The following CRYBB1 variants were observed in gnomAD, a reference collection of about 807,000 sequenced individuals.
CRYBB1 encodes the protein beta-crystallin B1.
Under a neutral mutation model 29.5 loss-of-function variants are expected in CRYBB1, and 16 were observed. The observed-to-expected ratio is 0.54, with a 90% CI of 0.37 to 0.82. The LOEUF (loss-of-function observed/expected upper bound fraction) is 0.82. Among genes scored for constraint, CRYBB1 ranks in the 40% least tolerant of loss-of-function variants. The probability of loss-of-function intolerance (pLI) is 0.00; values close to 1 mark genes in which losing one functional copy is unlikely to be tolerated. For synonymous variants in CRYBB1, 127 were observed against 136.7 expected (o/e 0.93, Z 0.49); for missense variants, 300 against 350.5 (o/e 0.86, Z 1.15).
chr22:26,605,735 G>C (rs1928957334), intron 4 of CRYBB1, among the ~76,000 whole-genome samples: 1 of 144,608 alleles, frequency 6.9e-6, no homozygotes, highest in African/African-American at 2.5e-5. Context: ...GGTTCAAGTA[G>C]AAGATGGTCA....
At chr22:26,603,626 C>T (rs865974966) in intron 4 of CRYBB1, among the ~76,000 whole-genome samples, 3 of 151,944 alleles carry the variant, frequency 2.0e-5, no homozygotes, top group Non-Finnish European at 2.9e-5. Flanking sequence ...CAGGCCTGGC[C>T]GGGCGCGGTG....
intron 2 of CRYBB1, among the ~76,000 whole-genome samples, chr22:26,613,774 A>T (rs1929253930): frequency 6.6e-6 from 1 of 152,242 alleles, no homozygotes; most frequent in South Asian, 2.1e-4. Flanking sequence ...TGTTCAGGGA[A>T]TAAGAGAGAT....
rs572494485 is a variant in CRYBB1 at position 26,599,621 on chromosome 22, G to T, written c.628C>A (p.Pro210Thr). 1.2e-6 allele frequency: 2 copies of T among 1,614,150 alleles called. No individual in the cohort carries two copies. The highest frequency in any genetic ancestry group is 1.3e-5 in the African/African-American group (1 of 75,062). ...TCATTCCAGTGCCGGAAGTCACCAG[G>T]CTCTAGGAGGTACTGGTACCCGCGG... The part of the protein sequence containing the change: ...GYRGYQYLLE[P>T]GDFRHWNEWG... The change falls in exon 6 of 6, where the codon CCT (proline) becomes ACT (threonine). Residue 210 changes from proline (P) to threonine (T), a missense_variant. Coordinates refer to ENST00000647684, the MANE Select transcript of CRYBB1 (RefSeq NM_001887.4).
At chr22:26,608,051 A>G (rs1372354466) in intron 3 of CRYBB1, 30 bp from the exon 4 acceptor site, 1 of 1,614,048 alleles carries the variant, frequency 6.2e-7, no homozygotes, top group Non-Finnish European at 8.5e-7. Context: ...TGAGGCAGAC[A>G]GGAGACATAT....
chr22:26,609,945 A>G (rs1422123450), intron 3 of CRYBB1, among the ~76,000 whole-genome samples: 1 of 152,214 alleles, frequency 6.6e-6, no homozygotes, highest in East Asian at 1.9e-4. Context: ...GAACAGATAC[A>G]GCACAGAGTA....
chr22:26,617,904 C>T, intron 1 of CRYBB1, 73 bp downstream of exon 1: 1 of 153,598 alleles, frequency 6.5e-6, no homozygotes, highest in Non-Finnish European at 1.5e-5. Flanking sequence ...GCTATCTCTG[C>T]CTCCCTCTCT....
intron 4 of CRYBB1, among the ~76,000 whole-genome samples, chr22:26,605,448 TAGATCACTTG>T (rs111921488): frequency 0.18 from 26,745 of 151,474 alleles, 3,085 homozygotes; most frequent in East Asian, 0.38. Context: ...CCCAGGCGGG[TAGATCACTTG>T]AGATCAGGAG....
intron 1 of CRYBB1, among the ~76,000 whole-genome samples, chr22:26,617,191 T>C (rs1929384767): frequency 6.6e-6 from 1 of 152,080 alleles, no homozygotes; most frequent in South Asian, 2.1e-4. Context: ...AGGCTTTGGG[T>C]GGAGAGGGCT....
At position 26,607,965 on chromosome 22, in the gene CRYBB1, C is replaced by T; in HGVS notation, c.356G>A (p.Gly119Asp). ...CCATGTGTTCCAGCGAGGGTACTCG[C>T]CCTTCTCCAGGATGAACATCTCCCC... ...FRGEMFILEK[G>D]EYPRWNTWSS... Residue 119 changes from glycine (G) to aspartate (D), a missense_variant, in exon 4 of 6, where the codon GGC (glycine) becomes GAC (aspartate). Coordinates refer to ENST00000647684, the MANE Select transcript of CRYBB1 (RefSeq NM_001887.4). 6.2e-7 allele frequency: 1 copy of T among 1,614,208 alleles called. No homozygotes were observed. Among genetic ancestry groups the T allele is most frequent in the Non-Finnish European group, 8.5e-7 (1 of 1,180,048 alleles).
intron 1 of CRYBB1, 51 bp from the exon 2 acceptor site, chr22:26,616,389 C>T (rs1929357114): frequency 8.4e-7 from 1 of 1,194,450 alleles, no homozygotes; most frequent in Non-Finnish European, 1.2e-6. Context: ...CTGCCTCCTG[C>T]CCTCATAGCC....
chr22:26,600,360 C>T (rs1928783638), intron 5 of CRYBB1, among the ~76,000 whole-genome samples: 1 of 151,914 alleles, frequency 6.6e-6, no homozygotes, highest in Admixed American at 6.6e-5. Context: ...TGAGATTGCA[C>T]CACTGTACTC....
Position 26,616,132 on chromosome 22 carries a change from G to T in CRYBB1, c.180+8C>A. 1 of 1,613,150 alleles carries T rather than the reference G, an allele frequency of 6.2e-7. No individual in the cohort carries two copies. The highest frequency in any genetic ancestry group is 8.5e-7 in the Non-Finnish European group (1 of 1,179,096). ...TGGCACCCAGCCACTGCACCCCCAG[G>T]TCCTTACCCTGTAGTTCCCAGGAGG... On this transcript the variant is annotated splice_region_variant and intron_variant, in intron 2 of 5. Transcript: ENST00000647684.
In CRYBB1 at chr22:26,612,103, G is replaced by C; in HGVS notation, c.268C>G (p.Arg90Gly). 1.2e-6 allele frequency: 2 copies of C among 1,613,666 alleles called. No homozygotes were observed. The highest frequency in any genetic ancestry group is 1.1e-5 in the South Asian group (1 of 91,062). The change falls in exon 3 of 6, where the codon CGT becomes GGT. Residue 90 changes from arginine to glycine, a missense_variant. By Grantham distance (125) the Arg-to-Gly change is moderately radical. Transcript: ENST00000647684. ...GCGGAGACAATGATGCTGCGCACAC[G>C]GTCGAAGCCACGGTCTGCCAGATTT... The part of the protein sequence containing the change: ...CSNLADRGFD[R>G]VRSIIVSAGP...
At chr22:26,600,516 T>C (rs1928788503) in intron 5 of CRYBB1, among the ~76,000 whole-genome samples, 1 of 152,250 alleles carries the variant, frequency 6.6e-6, no homozygotes, top group African/African-American at 2.4e-5. Flanking sequence ...GCCATTGATT[T>C]ACTAGCTGTG....
At chr22:26,601,813 G>C in intron 5 of CRYBB1, 66 bp downstream of exon 5, 3 of 1,608,204 alleles carry the variant, frequency 1.9e-6, no homozygotes, top group Non-Finnish European at 2.5e-6. Context: ...ACCTGTAAGG[G>C]GAGCAGCCTC....
At chr22:26,611,097 A>T (rs1301818348) in intron 3 of CRYBB1, among the ~76,000 whole-genome samples, 1 of 152,170 alleles carries the variant, frequency 6.6e-6, no homozygotes, top group Non-Finnish European at 1.5e-5. Flanking sequence ...AGGCCCAGAG[A>T]CACCCACAGA....
At chr22:26,614,366 C>G (rs1026534927) in intron 2 of CRYBB1, among the ~76,000 whole-genome samples, 1 of 152,194 alleles carries the variant, frequency 6.6e-6, no homozygotes, top group Admixed American at 6.5e-5. Context: ...TACAATTTTT[C>G]TCTTTTGTAC....
rs776964678 is a variant in CRYBB1 at position 26,616,291 on chromosome 22, G to A, written c.29C>T (p.Ser10Leu). The stretch of plus-strand genomic sequence containing the variant: ...CCCTGGGTTCACCGCCACTGTGGCC[G>A]AGGCCGAGGCCTTTGCAGCCTGAGA... MSQAAKASA[S>L]ATVAVNPGPD... is the part of the protein sequence containing the mutation. The change falls in exon 2 of 6, where the codon TCG becomes TTG. Residue 10 changes from serine to leucine, a missense_variant. Transcript: ENST00000647684. 1.1e-5 allele frequency: 18 copies of A among 1,613,778 alleles called. No individual in the cohort carries two copies. The highest frequency in any genetic ancestry group is 5.3e-5 in the African/African-American group (4 of 74,928).
At chr22:26,599,730 C>A in intron 5 of CRYBB1, 57 bp from the exon 6 acceptor site, 1 of 1,399,864 alleles carries the variant, frequency 7.1e-7, no homozygotes, top group East Asian at 2.3e-5. Flanking sequence ...GCCTGGCACC[C>A]AGACCCCTGC....
Sources: gnomAD v4.1 joint callset for allele counts (sites outside exome capture counted in the v4.1 genomes callset) on GRCh38, gnomAD v4.1.1 for gene constraint, MANE v1.5 for transcripts, NCBI Gene and HGNC (gene_info 2026-07-23, HGNC 2026-07-21) for gene names.